The following CTNNB1 variants were observed in gnomAD, a reference collection of about 807,000 sequenced individuals.
CTNNB1 encodes the protein catenin beta-1.
Under a neutral mutation model 82.5 loss-of-function variants are expected in CTNNB1, and 6 were observed. That is an observed-to-expected ratio of 0.07 (90% CI 0.04 to 0.14). The LOEUF is 0.14. Among genes scored for constraint, CTNNB1 ranks in the 10% least tolerant of loss-of-function variants. CTNNB1 has a pLI of 1.00. For missense variants in CTNNB1, 529 were observed against 980.4 expected (o/e 0.54, Z 6.15); for synonymous variants, 312 against 329.7 (o/e 0.95, Z 0.58).
At chr3:41,199,872 G>A (rs1252368146) in intron 1 of CTNNB1, 2 of 150,950 alleles carry the variant, frequency 1.3e-5, no homozygotes, top group African/African-American at 4.9e-5. Context: ...CCGGGTTCCG[G>A]TCGCGCTGCC....
At chr3:41,236,949 A>G (rs1239039852) in intron 13 of CTNNB1, 4 of 600,384 alleles carry the variant, frequency 6.7e-6, no homozygotes, top group Non-Finnish European at 1.2e-5. Context: ...TTCATAAGGG[A>G]GAAAGATGAA....
At chr3:41,217,638 T>C (rs2077945282) in intron 1 of CTNNB1, among the ~76,000 whole-genome samples, 2 of 152,242 alleles carry the variant, frequency 1.3e-5, no homozygotes, top group African/African-American at 4.8e-5. Context: ...GTAGTTACAC[T>C]TTAATGGATA....
At chr3:41,223,568 CT>C (rs1473720209) in intron 1 of CTNNB1, among the ~76,000 whole-genome samples, 1 of 152,002 alleles carries the variant, frequency 6.6e-6, no homozygotes, top group South Asian at 2.1e-4. Context: ...CAGAAAACAA[CT>C]TGTTAAAGAA....
chr3:41,219,161 A>T (rs1380458738), intron 1 of CTNNB1, among the ~76,000 whole-genome samples: 1 of 152,208 alleles, frequency 6.6e-6, no homozygotes, highest in East Asian at 1.9e-4. Flanking sequence ...TTATGTTAAT[A>T]TAAGTTGGAG....
At chr3:41,201,491 G>C (rs1483241336) in intron 1 of CTNNB1, among the ~76,000 whole-genome samples, 2 of 152,100 alleles carry the variant, frequency 1.3e-5, no homozygotes, top group Non-Finnish European at 2.9e-5. Flanking sequence ...TGAGATTATT[G>C]CAACAGTAAC....
chr3:41,224,811 A>C (rs2078136768), intron 3 of CTNNB1, 58 bp downstream of exon 3: 1 of 1,595,930 alleles, frequency 6.3e-7, no homozygotes, highest in Admixed American at 1.7e-5. Context: ...TTGAGAACTA[A>C]AAAGTTAGTG....
intron 1 of CTNNB1, among the ~76,000 whole-genome samples, chr3:41,214,908 G>A (rs1255304419): frequency 6.6e-6 from 1 of 152,142 alleles, no homozygotes; most frequent in Non-Finnish European, 1.5e-5. Context: ...CATATTCTCT[G>A]GCTGTTTTCA....
At chr3:41,233,939 G>C (rs974253117) in intron 9 of CTNNB1, 72 bp downstream of exon 9, 2 of 1,519,296 alleles carry the variant, frequency 1.3e-6, no homozygotes, top group African/African-American at 1.4e-5. Flanking sequence ...TTGGATGGCT[G>C]TCTAAGCATA....
chr3:41,228,658 C>T (rs1041475824), intron 7 of CTNNB1, among the ~76,000 whole-genome samples: 5 of 152,066 alleles, frequency 3.3e-5, no homozygotes, highest in African/African-American at 9.7e-5. Flanking sequence ...TCTCCCATGC[C>T]AGTACTTTCT....
chr3:41,228,541 T>C (rs981364684), intron 7 of CTNNB1, among the ~76,000 whole-genome samples: 10 of 152,244 alleles, frequency 6.6e-5, no homozygotes, highest in African/African-American at 2.4e-4. Context: ...TCTGTTCATG[T>C]CCTTTGCCCA....
chr3:41,237,469 C>CAAAAAAAAA (rs2078464633), intron 13 of CTNNB1: 6 of 90,878 alleles, frequency 6.6e-5, no homozygotes, highest in African/African-American at 1.5e-4. Context: ...AAAAAAAAAG[C>CAAAAAAAAA]AAATTACCAG....
At chr3:41,212,929 A>G (rs556626109) in intron 1 of CTNNB1, among the ~76,000 whole-genome samples, 1 of 152,284 alleles carries the variant, frequency 6.6e-6, no homozygotes, top group South Asian at 2.1e-4. Context: ...ACCACCATCT[A>G]TCAGCTGGAA....
chr3:41,210,452 C>CT (rs2077753458), intron 1 of CTNNB1, among the ~76,000 whole-genome samples: 2 of 151,904 alleles, frequency 1.3e-5, no homozygotes, highest in South Asian at 2.1e-4. Context: ...GAAACTCCGT[C>CT]TCAAAAAAAA....
rs1192252837 is a variant in CTNNB1, at chr3:41,233,696, C to T, written c.1353C>T (p.Val451=). 2 of 1,614,022 alleles carry T rather than the reference C, an allele frequency of 1.2e-6. No individual in the cohort carries two copies. Among genetic ancestry groups the T allele is most frequent in the Admixed American group, 1.7e-5 (1 of 60,010 alleles). The change falls in exon 9 of 15, where the codon GTC becomes GTT. Residue 451 remains valine, a synonymous_variant. Transcript: ENST00000349496. ...GTATAGAGGCTCTTGTGCGTACTGT[C>T]CTTCGGGCTGGTGACAGGGAAGACA... ...VGGIEALVRT[V]LRAGDREDIT...
chr3:41,215,500 A>G (rs2077896210), intron 1 of CTNNB1, among the ~76,000 whole-genome samples: 1 of 147,394 alleles, frequency 6.8e-6, no homozygotes, highest in African/African-American at 2.5e-5. Flanking sequence ...TTTATTTTTT[A>G]TTAGCACATT....
chr3:41,200,488 A>G (rs1440336250), intron 1 of CTNNB1: 1 of 152,134 alleles, frequency 6.6e-6, no homozygotes, highest in Non-Finnish European at 1.5e-5. Flanking sequence ...GTGATGGCTT[A>G]CTGTTTCTTA....
intron 6 of CTNNB1, among the ~76,000 whole-genome samples, chr3:41,226,498 A>G (rs979538997): frequency 6.6e-6 from 1 of 152,218 alleles, no homozygotes; most frequent in Non-Finnish European, 1.5e-5. Context: ...GGTGAAGGTT[A>G]GGTGAGAAAA....
intron 1 of CTNNB1, among the ~76,000 whole-genome samples, chr3:41,202,684 T>G (rs1425338443): frequency 6.6e-6 from 1 of 152,192 alleles, no homozygotes; most frequent in African/African-American, 2.4e-5. Context: ...ATATTGCAGT[T>G]GTGATTGTGA....
intron 1 of CTNNB1, among the ~76,000 whole-genome samples, chr3:41,213,155 G>T (rs2140090): frequency 0.4 from 60,231 of 151,998 alleles, 12,317 homozygotes; most frequent in Non-Finnish European, 0.45. Flanking sequence ...ACGTTTCATT[G>T]CACTCACCCT....
Sources: allele counts gnomAD v4.1 joint callset (sites outside exome capture counted in the v4.1 genomes callset), GRCh38; gene constraint gnomAD v4.1.1; transcripts MANE v1.5; gene names NCBI Gene and HGNC (gene_info 2026-07-23, HGNC 2026-07-21).